The following MCTP1 variants were observed in gnomAD, a reference collection of about 807,000 sequenced individuals.
The protein encoded by MCTP1 is multiple C2 and transmembrane domain containing 1.
In MCTP1, 69 loss-of-function variants were observed where a neutral mutation model predicts 120.6. That is an observed-to-expected ratio of 0.57 (90% CI 0.47 to 0.70). The LOEUF (loss-of-function observed/expected upper bound fraction) is 0.70, where lower values mean the gene tolerates loss of function less well. Ranked by LOEUF, MCTP1 falls within the 30% of genes least tolerant of loss-of-function variation. The pLI, the probability that MCTP1 is intolerant of heterozygous loss-of-function variation, is 0.00. For synonymous variants in MCTP1, 529 were observed against 493.1 expected (o/e 1.07, Z -0.96); for missense variants, 1,203 against 1,248.8 (o/e 0.96, Z 0.55).
At chr5:95,212,077 A>T (rs1459935832) in intron 1 of MCTP1, among the ~76,000 whole-genome samples, 1 of 152,154 alleles carries the variant, frequency 6.6e-6, no homozygotes, top group African/African-American at 2.4e-5. Flanking sequence ...TGAATCCAGG[A>T]GTTGGTTTTT....
At chr5:94,848,129 A>T (rs954638262) in intron 17 of MCTP1, among the ~76,000 whole-genome samples, 5 of 152,098 alleles carry the variant, frequency 3.3e-5, no homozygotes, top group African/African-American at 7.2e-5. Context: ...AAAAATAATG[A>T]TCTAAAACTA....
chr5:94,966,229 C>G (rs1825563262), intron 2 of MCTP1, among the ~76,000 whole-genome samples: 2 of 152,128 alleles, frequency 1.3e-5, no homozygotes, highest in Non-Finnish European at 2.9e-5. Context: ...AGACTCCAAG[C>G]CCAATGTTTC....
intron 1 of MCTP1, among the ~76,000 whole-genome samples, chr5:95,053,572 T>C (rs2152027124): frequency 6.6e-6 from 1 of 152,252 alleles, no homozygotes; most frequent in Non-Finnish European, 1.5e-5. Flanking sequence ...AGACCGCAAT[T>C]TGAGAAGCAA....
chr5:94,824,816 TA>T (rs745984134), intron 17 of MCTP1, among the ~76,000 whole-genome samples: 2 of 152,194 alleles, frequency 1.3e-5, no homozygotes, highest in Non-Finnish European at 2.9e-5. Flanking sequence ...TTTTCTAGTT[TA>T]TTTGCGTAGA....
At chr5:95,194,330 C>A (rs1312814742) in intron 1 of MCTP1, among the ~76,000 whole-genome samples, 2 of 152,144 alleles carry the variant, frequency 1.3e-5, no homozygotes, top group Non-Finnish European at 2.9e-5. Flanking sequence ...GGATTCAAAC[C>A]CAGGCAGTTT....
intron 2 of MCTP1, among the ~76,000 whole-genome samples, chr5:94,992,449 G>C (rs1033473139): frequency 2.6e-5 from 4 of 152,158 alleles, no homozygotes; most frequent in Non-Finnish European, 5.9e-5. Flanking sequence ...CTTATTCAGT[G>C]ACTTAGTTCT....
At chr5:95,225,906 A>G (rs766132354) in intron 1 of MCTP1, among the ~76,000 whole-genome samples, 3 of 152,178 alleles carry the variant, frequency 2.0e-5, no homozygotes, top group Admixed American at 1.3e-4. Context: ...TTCCAGAATC[A>G]TTAGATAATT....
intron 10 of MCTP1, among the ~76,000 whole-genome samples, chr5:94,903,702 G>A (rs557594821): frequency 3.3e-5 from 5 of 152,300 alleles, no homozygotes; most frequent in East Asian, 1.9e-4. Flanking sequence ...ACAATGCAAC[G>A]AAGTCAGTAG....
chr5:94,795,707 T>C (rs1285569737), intron 18 of MCTP1, among the ~76,000 whole-genome samples: 1 of 152,216 alleles, frequency 6.6e-6, no homozygotes, highest in Non-Finnish European at 1.5e-5. Flanking sequence ...AGTCTAGGTA[T>C]ATTCAGACCT....
Position 94,870,930 on chromosome 5 carries a change from T to G in MCTP1, c.2183A>C (p.Gln728Pro), listed in dbSNP as rs754751426. ...EQKAYVLKNKQLTGPTKGVIY... is the reference protein window; with the variant it reads ...EQKAYVLKNKPLTGPTKGVIY... ...GACCCCCTTTGTTGGCCCTGTCAGC[T>G]GCTTGTTTTTCAAGACGTAGGCTTT... Residue 728 changes from glutamine (Q) to proline (P), a missense_variant, in exon 15 of 23, where the codon CAG (glutamine) becomes CCG (proline). Coordinates refer to ENST00000515393, the MANE Select transcript of MCTP1 (RefSeq NM_024717.7). The G allele has an allele frequency of 6.2e-7, 1 of 1,613,234 alleles. No homozygotes were observed. The highest frequency in any genetic ancestry group is 2.2e-5 in the East Asian group (1 of 44,822).
At chr5:95,159,746 T>C (rs1351074316) in intron 1 of MCTP1, among the ~76,000 whole-genome samples, 2 of 152,126 alleles carry the variant, frequency 1.3e-5, no homozygotes, top group East Asian at 3.9e-4. Flanking sequence ...CTCTGGAAGA[T>C]GTTCCATACA....
Position 95,210,521 on chromosome 5 carries a change from T to G in MCTP1, c.720+73335A>C, listed in dbSNP as rs536329037. 4.9e-3 allele frequency among the ~76,000 whole-genome samples: 725 copies of G among 149,226 alleles called. 9 individuals carry two copies. Among genetic ancestry groups the G allele is most frequent in the African/African-American group, 0.017 (683 of 40,340 alleles). ...CCCCTGCCTTTTTTTGTTTTCCATTTGCTTGGTAGATCTTCCTCCATCCTT... is the reference window on the plus strand; with the variant it reads ...CCCCTGCCTTTTTTTGTTTTCCATTGGCTTGGTAGATCTTCCTCCATCCTT... On this transcript the variant is annotated intron_variant, in intron 1 of 22. Transcript: ENST00000515393.
At chr5:95,177,340 T>C (rs1369025436) in intron 1 of MCTP1, among the ~76,000 whole-genome samples, 1 of 152,168 alleles carries the variant, frequency 6.6e-6, no homozygotes, top group Non-Finnish European at 1.5e-5. Context: ...AGATAAATTG[T>C]ATGATCTCCG....
chr5:95,255,138 G>A lies in MCTP1; in HGVS notation c.720+28718C>T, dbSNP rs541353248. The stretch of plus-strand genomic sequence containing the variant: ...CCACTGTTCTATTCCAAATTGATAA[G>A]GGTTGCAGGAGTTTATGGGTTAGAA... On this transcript the variant is annotated intron_variant, in intron 1 of 22. Transcript: ENST00000515393. Among the ~76,000 whole-genome samples, 24 of 152,256 alleles carry A rather than the reference G, an allele frequency of 1.6e-4. No individual in the cohort carries two copies. In the East Asian group the frequency reaches 4.6e-3, roughly 29 times the overall value.
chr5:94,764,225 G>T (rs1471915000), intron 19 of MCTP1, among the ~76,000 whole-genome samples: 1 of 152,068 alleles, frequency 6.6e-6, no homozygotes, highest in East Asian at 1.9e-4. Flanking sequence ...CAGTATGCAG[G>T]GACATATATC....
chr5:94,843,678 G>A (rs2153210518), intron 17 of MCTP1, among the ~76,000 whole-genome samples: 1 of 152,266 alleles, frequency 6.6e-6, no homozygotes, highest in South Asian at 2.1e-4. Context: ...AGTGGTTTAT[G>A]TAGAAAAGAA....
intron 16 of MCTP1, among the ~76,000 whole-genome samples, chr5:94,870,190 A>G (rs553504908): frequency 1.3e-5 from 2 of 151,966 alleles, no homozygotes; most frequent in East Asian, 3.9e-4. Context: ...CTTTCTGACC[A>G]CCCCCATCCA....
chr5:95,245,623 G>GAA (rs58685073), intron 1 of MCTP1, among the ~76,000 whole-genome samples: 11 of 141,866 alleles, frequency 7.8e-5, no homozygotes, highest in East Asian at 2.1e-4. Context: ...GACAAGATTA[G>GAA]AAAAAAAAAA....
At position 95,277,684 on chromosome 5, in the gene MCTP1, G is replaced by A. The variant is rs77577527; in HGVS notation, c.720+6172C>T. 1.7e-3 allele frequency among the ~76,000 whole-genome samples: 265 copies of A among 152,262 alleles called. 3 individuals carry two copies. The East Asian group carries it at 0.021, about 12-fold the overall frequency. On this transcript the variant is annotated intron_variant, in intron 1 of 22. Coordinates refer to ENST00000515393, the MANE Select transcript of MCTP1 (RefSeq NM_024717.7). ...GGTGGTTCAGGCTTAAGCAAAATAA[G>A]TTCAGATTGTTAATGCTGAAGGGGC...
Sources: gnomAD v4.1 joint callset for allele counts (sites outside exome capture counted in the v4.1 genomes callset) on GRCh38, gnomAD v4.1.1 for gene constraint, MANE v1.5 for transcripts, NCBI Gene and HGNC (gene_info 2026-07-23, HGNC 2026-07-21) for gene names.